Variants in CCDC187 observed in about 807,000 individuals in gnomAD.
CCDC187 encodes coiled-coil domain containing 187.
A neutral mutation model predicts 38.0 loss-of-function variants in CCDC187; 32 were observed. The observed-to-expected ratio is 0.84, with a 90% CI of 0.64 to 1.13. The LOEUF is 1.13. Ranked by LOEUF, CCDC187 falls within the 50% of genes most tolerant of loss-of-function variation. The pLI is 0.00. For synonymous variants in CCDC187, 333 were observed against 347.9 expected (o/e 0.96, Z 0.48); for missense variants, 707 against 786.8 (o/e 0.90, Z 1.21).
At chr9:136,278,754 G>A (rs1009628205) in intron 10 of CCDC187, among the ~76,000 whole-genome samples, 2 of 152,234 alleles carry the variant, frequency 1.3e-5, no homozygotes, top group African/African-American at 4.8e-5. Flanking sequence ...GGGCCCTGCT[G>A]TCCAACATGG....
In CCDC187 at chr9:136,254,183, C is replaced by G; in HGVS notation, c.5645G>C (p.Gly1882Ala). The G allele has an allele frequency of 1.0e-6, 1 of 985,492 alleles. No homozygotes were observed. Among genetic ancestry groups the G allele is most frequent in the Non-Finnish European group, 1.2e-6 (1 of 829,984 alleles). 61.0% of individuals were successfully genotyped at this position (985,492 alleles called of 1,614,324 possible). Residue 1882 changes from glycine (G) to alanine (A), a missense_variant, in exon 26 of 26, where the codon GGT becomes GCT. Transcript: ENST00000638797. The part of the protein sequence containing the change: ...VVFPLQISSA[G>A]DSDSLLVFPS... Reference sequence around the variant, plus strand: ...AAAGACCAGCAGTGAGTCCGAGTCACCGGCAGAAGAGATTTGCAGCGGGAA... The same window carrying G: ...AAAGACCAGCAGTGAGTCCGAGTCAGCGGCAGAAGAGATTTGCAGCGGGAA...
chr9:136,260,589 C>A (rs571452953), intron 19 of CCDC187, among the ~76,000 whole-genome samples: 20 of 151,888 alleles, frequency 1.3e-4, no homozygotes, highest in Admixed American at 2.6e-4. Flanking sequence ...AGGCACCCCC[C>A]CATCTGACTC....
chr9:136,265,381 C>A (rs1286361918), intron 17 of CCDC187, among the ~76,000 whole-genome samples: 3 of 152,208 alleles, frequency 2.0e-5, no homozygotes, highest in Non-Finnish European at 4.4e-5. Context: ...CCCCTCCCTG[C>A]CAGGCGCGGC....
intron 9 of CCDC187, among the ~76,000 whole-genome samples, chr9:136,282,836 T>A (rs1269384229): frequency 6.6e-6 from 1 of 152,220 alleles, no homozygotes; most frequent in Non-Finnish European, 1.5e-5. Context: ...GCATGGCACC[T>A]GGGAGCACAG....
intron 4 of CCDC187, among the ~76,000 whole-genome samples, chr9:136,293,352 C>T (rs1248072316): frequency 2.1e-5 from 3 of 146,118 alleles, no homozygotes; most frequent in South Asian, 4.4e-4. Context: ...CTCACATGCT[C>T]ACACACATTC....
At chr9:136,262,274 ACCCCGAC>A (rs1830688369) in intron 19 of CCDC187, 30 bp downstream of exon 19, 1 of 985,796 alleles carries the variant, frequency 1.0e-6, no homozygotes, top group Non-Finnish European at 1.2e-6. Context: ...CAGGGTCCAG[ACCCCGAC>A]CCCCGACCCC....
chr9:136,266,120 G>T, intron 16 of CCDC187, 77 bp from the exon 17 acceptor site: 1 of 841,690 alleles, frequency 1.2e-6, no homozygotes, highest in South Asian at 5.5e-5. Flanking sequence ...GACACAGCCA[G>T]CCCTGGTCGG....
intron 14 of CCDC187, 49 bp from the exon 15 acceptor site, chr9:136,268,174 C>G: frequency 1.0e-6 from 1 of 977,466 alleles, no homozygotes; most frequent in South Asian, 4.7e-5. Context: ...TCTGAGTGCC[C>G]CGTGTCAGGG....
chr9:136,256,867 C>G (rs1269296829), intron 22 of CCDC187, 26 bp from the exon 23 acceptor site: 1 of 152,456 alleles, frequency 6.6e-6, no homozygotes, highest in Admixed American at 6.5e-5. Flanking sequence ...ACTGTCAGCA[C>G]TGGTGGGGAC....
rs371237846 is a variant in CCDC187, at chr9:136,267,458, C to T, written c.3573G>A (p.Ala1191=). The change falls in exon 16 of 26, where the codon GCG becomes GCA. Residue 1191 remains alanine (A), a synonymous_variant. Coordinates refer to ENST00000638797, the MANE Select transcript of CCDC187 (RefSeq NM_001378188.1). Reference sequence around the variant, plus strand: ...GCGCCATCTCTCGCAGGCGCAGCAGCGCGGCCTGGTGCTGTGCTCGCAGCT... The same window carrying T: ...GCGCCATCTCTCGCAGGCGCAGCAGTGCGGCCTGGTGCTGTGCTCGCAGCT... ...EEELRAQHQA[A]LLRLREMALQ... 1.6e-4 allele frequency: 162 copies of T among 985,666 alleles called. 2 individuals carry two copies. The East Asian group carries it at 0.013, about 82-fold the overall frequency. 61.1% of individuals were successfully genotyped at this position (985,666 alleles called of 1,614,324 possible).
intron 10 of CCDC187, among the ~76,000 whole-genome samples, chr9:136,280,698 C>A (rs1742145206): frequency 6.6e-6 from 1 of 152,124 alleles, no homozygotes; most frequent in East Asian, 1.9e-4. Flanking sequence ...GGCTTTGAAC[C>A]CAGACCAGGA....
chr9:136,289,613 C>A (rs1330967870), intron 7 of CCDC187, among the ~76,000 whole-genome samples: 2 of 151,994 alleles, frequency 1.3e-5, no homozygotes, highest in African/African-American at 4.8e-5. Flanking sequence ...GGAGGGGCTG[C>A]CTCCTGAGGG....
At chr9:136,271,456 G>A (rs923638718) in intron 14 of CCDC187, among the ~76,000 whole-genome samples, 2 of 152,048 alleles carry the variant, frequency 1.3e-5, no homozygotes, top group Non-Finnish European at 2.9e-5. Flanking sequence ...GAGACGCAGA[G>A]GTTGCAGTGA....
chr9:136,293,538 C>T (rs1317658684), intron 4 of CCDC187, among the ~76,000 whole-genome samples: 2 of 151,838 alleles, frequency 1.3e-5, no homozygotes, highest in African/African-American at 4.8e-5. Context: ...CGCTTACACA[C>T]TCACACTGAC....
At chr9:136,280,107 CG>C (rs1423039472) in intron 10 of CCDC187, among the ~76,000 whole-genome samples, 2 of 152,368 alleles carry the variant, frequency 1.3e-5, no homozygotes, top group East Asian at 3.9e-4. Context: ...CAGAGGCCCA[CG>C]GGGGCCTTCC....
intron 7 of CCDC187, among the ~76,000 whole-genome samples, chr9:136,288,066 A>C (rs2131291384): frequency 6.6e-6 from 1 of 152,242 alleles, no homozygotes; most frequent in East Asian, 1.9e-4. Flanking sequence ...CAGCTGCCCG[A>C]GACGACGAGT....
At chr9:136,277,949 G>A (rs913818919) in intron 10 of CCDC187, among the ~76,000 whole-genome samples, 178 of 152,292 alleles carry the variant, frequency 1.2e-3, no homozygotes, top group Non-Finnish European at 1.1e-3. Flanking sequence ...CAGCTAAGCC[G>A]GTTCCTGGGC....
intron 7 of CCDC187, among the ~76,000 whole-genome samples, chr9:136,288,746 A>C (rs886998887): frequency 5.4e-4 from 82 of 152,368 alleles, no homozygotes; most frequent in African/African-American, 1.8e-3. Context: ...TCCAGAAATT[A>C]AAATACACAG....
At chr9:136,271,103 G>T (rs1554762342) in intron 14 of CCDC187, among the ~76,000 whole-genome samples, 1 of 152,200 alleles carries the variant, frequency 6.6e-6, no homozygotes, top group African/African-American at 2.4e-5. Flanking sequence ...CATAATTGGA[G>T]TCCCTGAAGG....
Sources: allele counts gnomAD v4.1 joint callset (sites outside exome capture counted in the v4.1 genomes callset), GRCh38; gene constraint gnomAD v4.1.1; transcripts MANE v1.5; gene names NCBI Gene and HGNC (gene_info 2026-07-23, HGNC 2026-07-21).